The following UGT1A4 variants were observed in gnomAD, a reference collection of about 807,000 sequenced individuals.
UGT1A4 encodes UDP-glucuronosyltransferase 1A4.
A neutral mutation model predicts 41.1 loss-of-function variants in UGT1A4; 32 were observed. The observed-to-expected ratio is 0.78, with a 90% CI of 0.59 to 1.05. The LOEUF is 1.05. Ranked by LOEUF, UGT1A4 falls within the 50% of genes least tolerant of loss-of-function variation. UGT1A4 has a pLI of 0.00. For synonymous variants in UGT1A4, 283 were observed against 265.1 expected (o/e 1.07, Z -0.66); for missense variants, 748 against 677.4 (o/e 1.10, Z -1.16).
intron 1 of UGT1A4, among the ~76,000 whole-genome samples, chr2:233,728,342 G>T (rs1241528398): frequency 6.6e-6 from 1 of 152,290 alleles, no homozygotes; most frequent in African/African-American, 2.4e-5. Context: ...CCAGTCCCTT[G>T]GTGAGCAGGA....
Position 233,769,697 on chromosome 2 carries a change from A to C in UGT1A4, c.1307+1258A>C. The C allele has an allele frequency of 6.5e-7, 1 of 1,535,580 alleles. No individual in the cohort carries two copies. The highest frequency in any genetic ancestry group is 8.8e-7 in the Non-Finnish European group (1 of 1,140,024). On this transcript the variant is annotated intron_variant, in intron 4 of 4. Transcript: ENST00000373409. The surrounding 1 kb of genome is among the most constrained non-coding windows in gnomAD (Gnocchi z 4.4). ...TGTGTGTGTGGTGGCACTGGATAAA[A>C]GATCAATGTTGGCTAGGCACCATGG...
At chr2:233,754,752 G>A in intron 1 of UGT1A4, 4 of 831,436 alleles carry the variant, frequency 4.8e-6, no homozygotes, top group Non-Finnish European at 7.2e-6. Context: ...GCAGAAGGAA[G>A]AAAGGCCCCC....
intron 1 of UGT1A4, among the ~76,000 whole-genome samples, chr2:233,720,981 G>T (rs746699495): frequency 6.6e-6 from 1 of 151,748 alleles, no homozygotes; most frequent in Non-Finnish European, 1.5e-5. Context: ...AAAGTGCTGG[G>T]ATTACAGGCA....
chr2:233,734,934 T>A (rs2078587664), intron 1 of UGT1A4, among the ~76,000 whole-genome samples: 1 of 152,172 alleles, frequency 6.6e-6, no homozygotes, highest in Admixed American at 6.6e-5. Flanking sequence ...TTACTTACAA[T>A]CATATGGTCA....
chr2:233,771,905 G>T (rs1048759513), intron 4 of UGT1A4, among the ~76,000 whole-genome samples: 4 of 151,250 alleles, frequency 2.6e-5, no homozygotes, highest in Non-Finnish European at 5.9e-5. Flanking sequence ...CCTTTCAGGT[G>T]ATAATAGTAA....
intron 1 of UGT1A4, among the ~76,000 whole-genome samples, chr2:233,748,343 G>T (rs192012783): frequency 6.6e-6 from 1 of 151,752 alleles, no homozygotes; most frequent in Non-Finnish European, 1.5e-5. Flanking sequence ...GAGACTGTTC[G>T]TTTGTAAAGG....
chr2:233,721,801 A>T, intron 1 of UGT1A4: 1 of 514,724 alleles, frequency 1.9e-6, no homozygotes, highest in Non-Finnish European at 3.9e-6. Context: ...AAGCACATGC[A>T]GCAAAAATCC....
intron 1 of UGT1A4, among the ~76,000 whole-genome samples, chr2:233,752,940 A>T (rs1005921462): frequency 6.6e-6 from 1 of 152,226 alleles, no homozygotes; most frequent in African/African-American, 2.4e-5. Flanking sequence ...CTCTTTGCTG[A>T]CCACTGAACA....
intron 1 of UGT1A4, chr2:233,721,736 T>A: frequency 2.3e-6 from 1 of 427,568 alleles, no homozygotes; most frequent in Admixed American, 2.5e-5. Flanking sequence ...ATAAGCTTAA[T>A]GATGAGAGAA....
intron 1 of UGT1A4, among the ~76,000 whole-genome samples, chr2:233,752,050 A>C (rs1396714360): frequency 6.6e-6 from 1 of 152,244 alleles, no homozygotes; most frequent in Non-Finnish European, 1.5e-5. Context: ...TGTTGTGTGA[A>C]TGATTTCCCG....
intron 1 of UGT1A4, among the ~76,000 whole-genome samples, chr2:233,746,215 A>C (rs1693328060): frequency 6.6e-6 from 1 of 151,878 alleles, no homozygotes; most frequent in South Asian, 2.1e-4. Flanking sequence ...CTCTAATAGC[A>C]AGGACAGATA....
chr2:233,724,376 G>C (rs1373227000), intron 1 of UGT1A4, among the ~76,000 whole-genome samples: 7 of 128,064 alleles, frequency 5.5e-5, no homozygotes, highest in African/African-American at 1.5e-4. Flanking sequence ...GGTGGCTGCC[G>C]GGCGGAGACG....
chr2:233,744,157 C>T (rs1692711492), intron 1 of UGT1A4: 1 of 298,558 alleles, frequency 3.3e-6, no homozygotes, highest in Non-Finnish European at 6.5e-6. Flanking sequence ...AGACCAGGCC[C>T]CGCCCACTCC....
At chr2:233,758,397 C>T (rs1696863474) in intron 1 of UGT1A4, among the ~76,000 whole-genome samples, 1 of 152,138 alleles carries the variant, frequency 6.6e-6, no homozygotes, top group Admixed American at 6.5e-5. Flanking sequence ...TGTTTATAGC[C>T]CCTTTACTGT....
At chr2:233,766,898 A>T in intron 1 of UGT1A4, 136 bp from the exon 2 acceptor site, 1 of 1,483,786 alleles carries the variant, frequency 6.7e-7, no homozygotes, top group Non-Finnish European at 8.9e-7. Flanking sequence ...ACATATTAAT[A>T]ATTTTTTACT....
intron 2 of UGT1A4, among the ~76,000 whole-genome samples, chr2:233,767,377 A>C (rs897397722): frequency 2.0e-5 from 3 of 152,190 alleles, no homozygotes; most frequent in Non-Finnish European, 4.4e-5. Context: ...ACTATGATCC[A>C]CCACACTCAG....
At chr2:233,749,482 T>C (rs1349900601) in intron 1 of UGT1A4, among the ~76,000 whole-genome samples, 2 of 151,916 alleles carry the variant, frequency 1.3e-5, no homozygotes, top group Non-Finnish European at 2.9e-5. Flanking sequence ...CAGATCACTC[T>C]TGCTATGCCC....
chr2:233,763,191 T>C lies in UGT1A4; in HGVS notation c.868-3843T>C, dbSNP rs182750749. Among the ~76,000 whole-genome samples, 498 of 152,362 alleles carry C rather than the reference T, an allele frequency of 3.3e-3. 1 individual carries two copies. Among genetic ancestry groups the C allele is most frequent in the South Asian group, 5.6e-3 (27 of 4,830 alleles). ...GTTGACTACATATTTGTTGTTGCCT[T>C]GTTTGGTGCAGTCAGGCTTAGGTGT... is the stretch of plus-strand genomic sequence containing the variant. On this transcript the variant is annotated intron_variant, in intron 1 of 4. Coordinates refer to ENST00000373409, the MANE Select transcript of UGT1A4 (RefSeq NM_007120.3).
Position 233,772,472 on chromosome 2 carries a change from C to A in UGT1A4, c.1518C>A (p.Ile506=). ...CCGTCGTGCTGACAGTGGCCTTCAT[C>A]ACCTTTAAATGTTGTGCTTATGGCT... The part of the protein sequence containing the change: ...LLAVVLTVAF[I]TFKCCAYGYR... Residue 506 remains isoleucine (I), a synonymous_variant, in exon 5 of 5, where the codon ATC becomes ATA. Transcript: ENST00000373409. The A allele has an allele frequency of 6.2e-7, 1 of 1,614,132 alleles. No homozygotes were observed. Among genetic ancestry groups the A allele is most frequent in the Non-Finnish European group, 8.5e-7 (1 of 1,180,020 alleles).
Sources: allele counts gnomAD v4.1 joint callset (sites outside exome capture counted in the v4.1 genomes callset), GRCh38; gene constraint gnomAD v4.1.1; non-coding constraint Gnocchi (gnomAD v3.1); transcripts MANE v1.5; gene names NCBI Gene and HGNC (gene_info 2026-07-23, HGNC 2026-07-21).